RASEF: variants seen among roughly 807,000 people sequenced by gnomAD.
RASEF encodes ras and EF-hand domain-containing protein.
A neutral mutation model predicts 90.1 loss-of-function variants in RASEF; 68 were observed. The ratio of observed to expected loss-of-function variants is 0.75; its 90% confidence interval spans 0.62 to 0.92. RASEF has a LOEUF of 0.92. RASEF is among the 40% of genes least tolerant of loss of function. RASEF has a pLI of 0.00. For synonymous variants in RASEF, 331 were observed against 345.2 expected, an observed-to-expected ratio of 0.96 and a Z score of 0.46; for missense variants, 949 against 937.2, an observed-to-expected ratio of 1.01 and a Z score of -0.16.
At chr9:83,214,584 A>C in the RASEF span, among the ~76,000 whole-genome samples, 2 of 152,060 alleles carry the variant, frequency 1.3e-5, no homozygotes, top group Non-Finnish European at 2.9e-5. Flanking sequence ...TTGTAGCTCC[A>C]ATAATCCCCA....
At chr9:83,173,728 G>A in the RASEF span, among the ~76,000 whole-genome samples, 1 of 151,724 alleles carries the variant, frequency 6.6e-6, no homozygotes, top group Admixed American at 6.6e-5. Flanking sequence ...GTCACTGCAG[G>A]ATTTGTTACT....
chr9:83,197,146 G>A, the RASEF span, among the ~76,000 whole-genome samples: 1 of 152,194 alleles, frequency 6.6e-6, no homozygotes, highest in Non-Finnish European at 1.5e-5. Flanking sequence ...TCACCACTGT[G>A]TGAATCACCT....
the RASEF span, among the ~76,000 whole-genome samples, chr9:83,099,871 T>C: frequency 1.3e-5 from 2 of 152,218 alleles, no homozygotes; most frequent in Non-Finnish European, 2.9e-5. Context: ...GCTTATCCCA[T>C]ATTATGCTTA....
In RASEF at chr9:82,982,429, ATGTTATCTTT is replaced by A. The variant is rs1195980183; in HGVS notation, c.*238_*247del. On this transcript the variant is annotated 3_prime_UTR_variant, in exon 17 of 17. Transcript: ENST00000376447. ...TTTTTACCATTTTAAAAACATTTAC[ATGTTATCTTT>A]TAAGACCTGTAAGGACATGACTAGT... 11 of 289,286 alleles carry A rather than the reference ATGTTATCTTT, an allele frequency of 3.8e-5. No individual in the cohort carries two copies. The highest frequency in any genetic ancestry group is 6.5e-5 in the Non-Finnish European group (10 of 154,546). The allele number at this position is 289,286 out of a possible 1,614,324, so 17.9% of individuals were successfully genotyped here.
the RASEF span, among the ~76,000 whole-genome samples, chr9:83,106,153 T>G: frequency 6.6e-6 from 1 of 152,184 alleles, no homozygotes; most frequent in Non-Finnish European, 1.5e-5. Flanking sequence ...GGGCTAGCTC[T>G]CCGGAAATGC....
chr9:83,147,682 A>C, the RASEF span, among the ~76,000 whole-genome samples: 35 of 152,232 alleles, frequency 2.3e-4, no homozygotes, highest in African/African-American at 7.9e-4. Context: ...CTTAAATGTT[A>C]ACCAGCTCAG....
chr9:83,089,901 GA>G, the RASEF span, among the ~76,000 whole-genome samples: 4 of 87,564 alleles, frequency 4.6e-5, no homozygotes, highest in South Asian at 3.4e-4. Flanking sequence ...ATGATAGATA[GA>G]TAGATAGATA....
At chr9:83,004,426 C>T (rs1392082354) in intron 9 of RASEF, 72 bp downstream of exon 9, 8 of 838,636 alleles carry the variant, frequency 9.5e-6, no homozygotes, top group Non-Finnish European at 1.5e-5. Context: ...TTTAATCCAC[C>T]TCCAAGGAAA....
At chr9:83,006,879 G>A (rs1158145308) in intron 7 of RASEF, among the ~76,000 whole-genome samples, 2 of 152,078 alleles carry the variant, frequency 1.3e-5, no homozygotes, top group Non-Finnish European at 2.9e-5. Context: ...GGATCACAAA[G>A]TCAGGAGATC....
At chr9:83,047,211 A>G (rs929270003) in intron 1 of RASEF, among the ~76,000 whole-genome samples, 4 of 152,200 alleles carry the variant, frequency 2.6e-5, no homozygotes, top group Non-Finnish European at 4.4e-5. Flanking sequence ...GGACAGATAC[A>G]TGTGAGAACA....
At position 83,062,606 on chromosome 9, in the gene RASEF, G is replaced by T. The variant is rs775643374; in HGVS notation, c.262C>A (p.Pro88Thr). The T allele has an allele frequency of 6.4e-7, 1 of 1,564,676 alleles. No homozygotes were observed. Among genetic ancestry groups the T allele is most frequent in the South Asian group, 1.2e-5 (1 of 86,746 alleles). ...GRRRDWGPLD[P>T]APAVSEAGPE... ...CCCGCCTCAGACACGGCGGGCGCGG[G>T]ATCCAGAGGACCCCAGTCCCGGCGC... Residue 88 changes from proline to threonine, a missense_variant, in exon 1 of 17, where the codon CCC becomes ACC. This residue lies in a region of RASEF where 656 missense variants were observed against 592.2 expected (regional missense o/e 1.11). Transcript: ENST00000376447.
At chr9:83,041,498 G>T (rs1403406590) in intron 1 of RASEF, among the ~76,000 whole-genome samples, 6 of 152,182 alleles carry the variant, frequency 3.9e-5, no homozygotes, top group Non-Finnish European at 7.4e-5. Flanking sequence ...ATTTTCTTAT[G>T]AATTTCTTAA....
the RASEF span, among the ~76,000 whole-genome samples, chr9:83,105,387 G>C: frequency 6.6e-6 from 1 of 152,118 alleles, no homozygotes. Flanking sequence ...AAAATGACAG[G>C]AAGTCCTACT....
chr9:83,191,146 G>C, the RASEF span, among the ~76,000 whole-genome samples: 1 of 152,134 alleles, frequency 6.6e-6, no homozygotes, highest in Non-Finnish European at 1.5e-5. Flanking sequence ...AGTCTAATGA[G>C]AGACTATCCC....
At chr9:83,191,622 C>T in the RASEF span, among the ~76,000 whole-genome samples, 1 of 152,190 alleles carries the variant, frequency 6.6e-6, no homozygotes, top group Admixed American at 6.5e-5. Flanking sequence ...CTACAAGCCC[C>T]TTCCACACCA....
intron 1 of RASEF, among the ~76,000 whole-genome samples, chr9:83,058,081 T>C (rs577396285): frequency 6.6e-6 from 1 of 150,418 alleles, no homozygotes; most frequent in South Asian, 2.1e-4. Context: ...ATCTGAGCTC[T>C]GTGTTTCACT....
intron 5 of RASEF, among the ~76,000 whole-genome samples, chr9:83,011,157 C>A (rs2118501588): frequency 6.6e-6 from 1 of 152,154 alleles, no homozygotes; most frequent in South Asian, 2.1e-4. Flanking sequence ...CCTCTCCTCC[C>A]AAAAAATTGT....
At chr9:83,120,388 C>T in the RASEF span, among the ~76,000 whole-genome samples, 2 of 152,256 alleles carry the variant, frequency 1.3e-5, no homozygotes, top group East Asian at 3.9e-4. Flanking sequence ...TGATCTAGTG[C>T]CTGCCTCACC....
chr9:83,009,591 A>C, intron 6 of RASEF, 50 bp downstream of exon 6: 2 of 1,017,944 alleles, frequency 2.0e-6, no homozygotes, highest in Non-Finnish European at 3.0e-6. Context: ...TGCCTGGATG[A>C]TCATCTCAAT....
Sources: allele counts gnomAD v4.1 joint callset (sites outside exome capture counted in the v4.1 genomes callset), GRCh38; gene constraint gnomAD v4.1.1; regional missense constraint gnomAD v4.1.1; transcripts MANE v1.5; gene names NCBI Gene and HGNC (gene_info 2026-07-23, HGNC 2026-07-21).